The following NPHS1 variants were observed in gnomAD, a reference collection of about 807,000 sequenced individuals.
NPHS1 encodes nephrin.
NPHS1 carries 107 observed loss-of-function variants against 139.7 expected under a neutral mutation model. The observed-to-expected ratio is 0.77, with a 90% CI of 0.66 to 0.90. NPHS1 has a LOEUF of 0.90. NPHS1 is among the 40% of genes least tolerant of loss of function. NPHS1 has a pLI of 0.00. For missense variants in NPHS1, 1,580 were observed against 1,654.2 expected, an observed-to-expected ratio of 0.96 and a Z score of 0.78; for synonymous variants, 707 against 706.6, an observed-to-expected ratio of 1.00 and a Z score of -0.01.
chr19:35,828,454 C>T (rs1408515308), intron 28 of NPHS1, among the ~76,000 whole-genome samples: 1 of 152,024 alleles, frequency 6.6e-6, no homozygotes, highest in Non-Finnish European at 1.5e-5. Flanking sequence ...TTAGTAGAGA[C>T]GGGGTTTCAC....
intron 9 of NPHS1, 77 bp from the exon 10 acceptor site, chr19:35,848,474 T>C: frequency 3.7e-6 from 6 of 1,604,826 alleles, no homozygotes; most frequent in Non-Finnish European, 5.1e-6. Context: ...TCCATCCCAG[T>C]CCCCAGCAGG....
In NPHS1 at chr19:35,851,797, A is replaced by C; in HGVS notation, c.41T>G (p.Leu14Arg). ...CCACTCACCTTCAGTCAGCAGCCCC[A>C]GGAGCAGGAGAGAAGCCCTGAGCGT... ...GTTLRASLLLLGLLTEGLAQL... is the reference protein window; with the variant it reads ...GTTLRASLLLRGLLTEGLAQL... The change falls in exon 1 of 29, where the codon CTG becomes CGG. Residue 14 changes from leucine (L) to arginine (R), a missense_variant. Physicochemically the swap from Leu to Arg is moderately radical, Grantham distance 102. Transcript: ENST00000378910. The C allele has an allele frequency of 6.4e-7, 1 of 1,553,372 alleles. No homozygotes were observed. Among genetic ancestry groups the C allele is most frequent in the Non-Finnish European group, 8.7e-7 (1 of 1,147,982 alleles).
rs35240811 is a variant in NPHS1 at position 35,826,642 on chromosome 19, G to A, written c.3598C>T (p.Pro1200Ser). The A allele has an allele frequency of 6.8e-4, 1,092 of 1,614,108 alleles. 6 individuals are homozygous for A. The African/African-American group carries it at 0.014, about 20-fold the overall frequency. ...TCTTCAGGCCAGTGGAGGTCCCAGG[G>A]TCCCTGACAGGCAAAAAGTGGAGTT... ...GPLYDEVQMG[P>S]WDLHWPEDTY... Residue 1200 changes from proline (P) to serine (S), a missense_variant, in exon 29 of 29, where the codon CCC becomes TCC. Coordinates refer to ENST00000378910, the MANE Select transcript of NPHS1 (RefSeq NM_004646.4).
intron 9 of NPHS1, 47 bp from the exon 10 acceptor site, chr19:35,848,444 C>T (rs559778214): frequency 1.2e-6 from 2 of 1,613,512 alleles, no homozygotes; most frequent in Admixed American, 1.7e-5. Context: ...CACCCCTATC[C>T]ATCGTGCTAG....
chr19:35,838,869 ATAAT>A (rs1434375977), intron 22 of NPHS1, among the ~76,000 whole-genome samples: 5 of 152,142 alleles, frequency 3.3e-5, no homozygotes, highest in Non-Finnish European at 7.3e-5. Context: ...AAAAAATTAA[ATAAT>A]TAAATAAAAT....
At chr19:35,840,852 C>CT (rs746031842) in intron 20 of NPHS1, among the ~76,000 whole-genome samples, 280 of 128,376 alleles carry the variant, frequency 2.2e-3, no homozygotes, top group South Asian at 6.8e-3. Context: ...TCACGCCCGG[C>CT]TTTTTTTTTT....
Position 35,849,030 on chromosome 19 carries a change from G to C in NPHS1, c.958C>G (p.His320Asp). Residue 320 changes from histidine to aspartate, a missense_variant, in exon 8 of 29, where the codon CAC becomes GAC. By Grantham distance (81) the His-to-Asp change is moderately conservative. Transcript: ENST00000378910. Reference protein sequence around the residue: ...DHGAQLSCEAHNSVSAGTQEH... With the variant: ...DHGAQLSCEADNSVSAGTQEH... Reference sequence around the variant, plus strand: ...TGGGTCCCTGCAGACACGCTGTTGTGGGCCTCGCAGCTGAGCTGCGCTCCA... The same window carrying C: ...TGGGTCCCTGCAGACACGCTGTTGTCGGCCTCGCAGCTGAGCTGCGCTCCA... 6.2e-7 allele frequency: 1 copy of C among 1,612,090 alleles called. No individual in the cohort carries two copies. The highest frequency in any genetic ancestry group is 8.5e-7 in the Non-Finnish European group (1 of 1,180,030).
intron 5 of NPHS1, 110 bp downstream of exon 5, chr19:35,850,254 G>A (rs1355435082): frequency 3.6e-6 from 3 of 832,938 alleles, no homozygotes; most frequent in African/African-American, 1.7e-5. Context: ...GAAGAATTGG[G>A]TCCCAGATGT....
chr19:35,842,406 G>T lies in NPHS1; in HGVS notation c.2479C>A (p.Arg827=), dbSNP rs140018064. ...IVDNGVAPPA[R]RLLRLVVRFA... Reference sequence around the variant, plus strand: ...CTGACAACAAGACGGAGCAGCCGTCGTGCTGGAGGCGCCACCCCATTGTCC... The same window carrying T: ...CTGACAACAAGACGGAGCAGCCGTCTTGCTGGAGGCGCCACCCCATTGTCC... The change falls in exon 18 of 29, where the codon CGA becomes AGA. Residue 827 remains arginine (R), a synonymous_variant. Transcript: ENST00000378910. 3.1e-6 allele frequency: 5 copies of T among 1,614,100 alleles called. No homozygotes were observed. Among genetic ancestry groups the T allele is most frequent in the Non-Finnish European group, 3.4e-6 (4 of 1,180,022 alleles).
At chr19:35,835,199 C>CAAAAAAAAAA (rs71167570) in intron 23 of NPHS1, among the ~76,000 whole-genome samples, 7 of 71,204 alleles carry the variant, frequency 9.8e-5, no homozygotes, top group Non-Finnish European at 1.5e-4. Flanking sequence ...GACTCTGTCT[C>CAAAAAAAAAA]AAAAAAAAAA....
chr19:35,851,719 G>C, intron 1 of NPHS1, 47 bp from the exon 2 acceptor site: 1 of 1,576,380 alleles, frequency 6.3e-7, no homozygotes, highest in Non-Finnish European at 8.6e-7. Flanking sequence ...GTTTGTCTAG[G>C]GAAGGTAAGT....
chr19:35,831,132 C>T lies in NPHS1; in HGVS notation c.3402G>A (p.Glu1134=). The T allele has an allele frequency of 6.2e-7, 1 of 1,613,976 alleles. No homozygotes were observed. The highest frequency in any genetic ancestry group is 8.5e-7 in the Non-Finnish European group (1 of 1,180,018). Residue 1134 remains glutamate, a synonymous_variant, in exon 27 of 29, where the codon GAG becomes GAA. Coordinates refer to ENST00000378910, the MANE Select transcript of NPHS1 (RefSeq NM_004646.4). ...TCAGGGAGCGGTAATACGGCTCTGC[C>T]TCTGTTGTGCTGACCTGTTCCCCAC... ...DTQSSTVSTT[E]AEPYYRSLRD...
rs557429831 is a variant in NPHS1, at chr19:35,844,380, C to T, written c.2010G>A (p.Val670=). The T allele has an allele frequency of 1.9e-6, 3 of 1,613,054 alleles. No homozygotes were observed. Among genetic ancestry groups the T allele is most frequent in the Non-Finnish European group, 2.5e-6 (3 of 1,179,694 alleles). ...EQGEALLPVS[V]SANPAPEAFN... is the part of the protein sequence containing the mutation. Reference sequence around the variant, plus strand: ...AGGCCTCGGGGGCGGGGTTAGCGGACACGGACACGGGCAGCAACGCCTCGC... The same window carrying T: ...AGGCCTCGGGGGCGGGGTTAGCGGATACGGACACGGGCAGCAACGCCTCGC... Residue 670 remains valine (V), a synonymous_variant, in exon 15 of 29, where the codon GTG becomes GTA. Transcript: ENST00000378910.
At chr19:35,839,748 G>A (rs752199292) in intron 20 of NPHS1, 141 bp from the exon 21 acceptor site, 1 of 726,974 alleles carries the variant, frequency 1.4e-6, no homozygotes, top group Non-Finnish European at 2.4e-6. Context: ...TAAGGTCATG[G>A]TGAACACTGC....
chr19:35,851,436 T>C, intron 2 of NPHS1, 21 bp downstream of exon 2: 1 of 1,612,784 alleles, frequency 6.2e-7, no homozygotes, highest in Non-Finnish European at 8.5e-7. Flanking sequence ...TGGCTGAGGG[T>C]CTCAGGCTCT....
At chr19:35,841,995 C>T in intron 19 of NPHS1, 129 bp from the exon 20 acceptor site, 1 of 1,400,878 alleles carries the variant, frequency 7.1e-7, no homozygotes, top group Non-Finnish European at 9.9e-7. Flanking sequence ...TCTTTTCATC[C>T]ACTCAACCAT....
intron 11 of NPHS1, among the ~76,000 whole-genome samples, chr19:35,847,635 C>T (rs941128103): frequency 8.0e-5 from 12 of 150,606 alleles, no homozygotes; most frequent in African/African-American, 2.9e-4. Flanking sequence ...GGATTACAGG[C>T]GTGAGCCACT....
chr19:35,841,910 C>T, intron 19 of NPHS1, 44 bp from the exon 20 acceptor site: 9 of 1,567,982 alleles, frequency 5.7e-6, no homozygotes, highest in Non-Finnish European at 6.9e-6. Flanking sequence ...ATTCACCCAA[C>T]CACTTATGCT....
At chr19:35,830,096 G>C (rs185150885) in intron 28 of NPHS1, among the ~76,000 whole-genome samples, 1 of 152,270 alleles carries the variant, frequency 6.6e-6, no homozygotes, top group South Asian at 2.1e-4. Flanking sequence ...AGTAGATATG[G>C]CTAATTATCT....
Sources: gnomAD v4.1 joint callset for allele counts (sites outside exome capture counted in the v4.1 genomes callset) on GRCh38, gnomAD v4.1.1 for gene constraint, MANE v1.5 for transcripts, NCBI Gene and HGNC (gene_info 2026-07-23, HGNC 2026-07-21) for gene names.